FAM227A: variants seen among roughly 807,000 people sequenced by gnomAD.
FAM227A encodes the protein family with sequence similarity 227 member A.
In FAM227A, 80 loss-of-function variants were observed where a neutral mutation model predicts 74.7. The ratio of observed to expected loss-of-function variants is 1.07; its 90% CI spans 0.89 to 1.29. The LOEUF (loss-of-function observed/expected upper bound fraction) is 1.29, where lower values mean the gene tolerates loss of function less well. Ranked by LOEUF, FAM227A falls within the 50% of genes most tolerant of loss-of-function variation. The pLI, the probability that FAM227A is intolerant of heterozygous loss-of-function variation, is 0.00. For synonymous variants in FAM227A, 237 were observed against 241.8 expected (o/e 0.98, Z 0.19); for missense variants, 654 against 683.4 (o/e 0.96, Z 0.48).
chr22:38,601,668 T>G (rs2091181409), intron 13 of FAM227A, among the ~76,000 whole-genome samples: 1 of 152,084 alleles, frequency 6.6e-6, no homozygotes, highest in Non-Finnish European at 1.5e-5. Context: ...GAATTGCTGA[T>G]GGGGCCCAGG....
intron 4 of FAM227A, 27 bp from the exon 5 acceptor site, chr22:38,638,849 A>T (rs754076489): frequency 1.4e-6 from 2 of 1,448,566 alleles, no homozygotes; most frequent in Non-Finnish European, 1.9e-6. Flanking sequence ...AAAGAGATAA[A>T]TGAGTAACCA....
rs572200244 is a variant in FAM227A, at chr22:38,621,778, G to A, written c.958+1394C>T. ...GGAAGTCCTGATCAACTGCAGAGTC[G>A]GAGTCAGTTGATTTGGAGAGATGCT... On this transcript the variant is annotated intron_variant, in intron 10 of 16. Transcript: ENST00000535113. 5.9e-5 allele frequency among the ~76,000 whole-genome samples: 9 copies of A among 152,230 alleles called. No homozygotes were observed. In the South Asian group the frequency reaches 1.7e-3, roughly 28 times the overall value.
intron 15 of FAM227A, among the ~76,000 whole-genome samples, chr22:38,594,914 C>T (rs533518206): frequency 1.3e-5 from 2 of 152,106 alleles, no homozygotes; most frequent in South Asian, 2.1e-4. Flanking sequence ...CTGGCTAACA[C>T]GGTGAAACCC....
At position 38,650,181 on chromosome 22, in the gene FAM227A, T is replaced by G. The variant is rs753983617; in HGVS notation, c.-13A>C. The stretch of plus-strand genomic sequence containing the variant: ...TGAAGTGATTCATTGTCCAATTTCT[T>G]GTAAATGGACAAACAAAAAGCTTCC... On this transcript the variant is annotated 5_prime_UTR_variant, in exon 2 of 17. Coordinates refer to ENST00000535113, the MANE Select transcript of FAM227A (RefSeq NM_001013647.2). The G allele has an allele frequency of 6.4e-7, 1 of 1,550,788 alleles. No homozygotes were observed. Among genetic ancestry groups the G allele is most frequent in the African/African-American group, 1.4e-5 (1 of 73,024 alleles).
chr22:38,634,376 G>A lies in FAM227A; in HGVS notation c.519+2075C>T, dbSNP rs139408865. ...TCATGGCTACACAGTCCATGATATA[G>A]ATGTCAAAAATGACCATGCTGTTCC... On this transcript the variant is annotated intron_variant, in intron 6 of 16. Coordinates refer to ENST00000535113, the MANE Select transcript of FAM227A (RefSeq NM_001013647.2). Among the ~76,000 whole-genome samples the A allele has an allele frequency of 2.9e-3, 443 of 152,042 alleles. 1 individual carries two copies. The highest frequency in any genetic ancestry group is 5.3e-3 in the Non-Finnish European group (363 of 67,996).
intron 11 of FAM227A, among the ~76,000 whole-genome samples, chr22:38,608,032 T>C (rs375380218): frequency 6.6e-6 from 1 of 151,242 alleles, no homozygotes; most frequent in African/African-American, 2.4e-5. Flanking sequence ...CGATTTGTTA[T>C]AGAGAGGCAA....
chr22:38,643,061 T>C (rs1483455213), intron 3 of FAM227A, among the ~76,000 whole-genome samples: 1 of 152,118 alleles, frequency 6.6e-6, no homozygotes, highest in Non-Finnish European at 1.5e-5. Flanking sequence ...ACGCCTGTAA[T>C]CTCAGCACTT....
intron 11 of FAM227A, among the ~76,000 whole-genome samples, chr22:38,610,662 T>C (rs1041166138): frequency 6.6e-6 from 1 of 152,070 alleles, no homozygotes; most frequent in African/African-American, 2.4e-5. Context: ...TGAGCTGAGA[T>C]CACGCTATTG....
chr22:38,621,307 G>A (rs1036943649), intron 10 of FAM227A, among the ~76,000 whole-genome samples: 7 of 141,200 alleles, frequency 5.0e-5, no homozygotes, highest in Middle Eastern at 4.5e-3. Context: ...CCGAGATCAC[G>A]CCACTGCACT....
At chr22:38,589,171 G>A (rs1222650901) in intron 16 of FAM227A, among the ~76,000 whole-genome samples, 1 of 152,128 alleles carries the variant, frequency 6.6e-6, no homozygotes, top group African/African-American at 2.4e-5. Flanking sequence ...GGTGATGACA[G>A]AGGCAGAGAT....
intron 3 of FAM227A, among the ~76,000 whole-genome samples, chr22:38,644,129 G>C (rs2092176320): frequency 7.5e-6 from 1 of 133,796 alleles, no homozygotes; most frequent in Non-Finnish European, 1.6e-5. Flanking sequence ...CTGGACGAGA[G>C]TGTGAGACTC....
chr22:38,609,851 A>C (rs2091373918), intron 11 of FAM227A, among the ~76,000 whole-genome samples: 1 of 149,972 alleles, frequency 6.7e-6, no homozygotes, highest in African/African-American at 2.5e-5. Context: ...AGCTCACTGC[A>C]ACCTCCGCTT....
intron 13 of FAM227A, among the ~76,000 whole-genome samples, chr22:38,603,844 G>T (rs374079703): frequency 1.2e-3 from 187 of 152,190 alleles, no homozygotes; most frequent in African/African-American, 4.5e-3. Context: ...ATACTGGGGG[G>T]TTATGTGAGT....
chr22:38,636,490 GC>G lies in FAM227A; in HGVS notation c.479del (p.Gly160AlafsTer22), dbSNP rs1300151341. ...AGTCTCTCTCAGCCCGGACCACGTT[GC>G]CCACCATGTCACAGAAGTCCACGCC... ...PNGVDFCDMV[G>X]NVVRAERDCL... On this transcript the variant is annotated frameshift_variant, in exon 6 of 17. Coordinates refer to ENST00000535113, the MANE Select transcript of FAM227A (RefSeq NM_001013647.2). LOFTEE classifies it high-confidence loss of function. 5 of 1,551,548 alleles carry G rather than the reference GC, an allele frequency of 3.2e-6. No individual in the cohort carries two copies. Among genetic ancestry groups the G allele is most frequent in the Non-Finnish European group, 2.6e-6 (3 of 1,146,918 alleles).
intron 1 of FAM227A, among the ~76,000 whole-genome samples, chr22:38,652,141 A>C (rs1250854144): frequency 1.3e-5 from 2 of 152,172 alleles, no homozygotes; most frequent in Admixed American, 1.3e-4. Flanking sequence ...AGCTGAGATC[A>C]TGCCACTGCA....
chr22:38,655,475 A>C (rs1214722817), intron 1 of FAM227A, among the ~76,000 whole-genome samples: 1 of 151,978 alleles, frequency 6.6e-6, no homozygotes, highest in African/African-American at 2.4e-5. Flanking sequence ...AGATCATGCC[A>C]CTGCAATCCC....
At chr22:38,605,160 A>C (rs1183854243) in intron 13 of FAM227A, 94 bp downstream of exon 13, 1 of 740,738 alleles carries the variant, frequency 1.3e-6, no homozygotes, top group Non-Finnish European at 2.3e-6. Flanking sequence ...GGCATATAGT[A>C]AATATTCATT....
chr22:38,643,502 C>T (rs1027349346), intron 3 of FAM227A, among the ~76,000 whole-genome samples: 19 of 152,138 alleles, frequency 1.2e-4, no homozygotes, highest in Non-Finnish European at 1.9e-4. Flanking sequence ...ACTGACAACA[C>T]CAAATACTGG....
intron 10 of FAM227A, 36 bp downstream of exon 10, chr22:38,623,136 G>A (rs757446331): frequency 7.1e-7 from 1 of 1,401,062 alleles, no homozygotes; most frequent in Admixed American, 2.0e-5. Context: ...GTATGGCAGT[G>A]GCAAAGAAGG....
Sources: allele counts gnomAD v4.1 joint callset (sites outside exome capture counted in the v4.1 genomes callset), GRCh38; gene constraint gnomAD v4.1.1; transcripts MANE v1.5; gene names NCBI Gene and HGNC (gene_info 2026-07-23, HGNC 2026-07-21).